The following IL17RA variants were observed in gnomAD, a reference collection of about 807,000 sequenced individuals.
The protein encoded by IL17RA is interleukin-17 receptor A.
In IL17RA, 34 loss-of-function variants were observed where a neutral mutation model predicts 50.4. The ratio of observed to expected loss-of-function variants is 0.67; its 90% CI spans 0.51 to 0.90. The LOEUF (loss-of-function observed/expected upper bound fraction) is 0.90. Ranked by LOEUF, IL17RA falls within the 40% of genes least tolerant of loss-of-function variation. The probability of loss-of-function intolerance (pLI) is 0.00; values close to 1 mark genes in which losing one functional copy is unlikely to be tolerated. For missense variants in IL17RA, 1,276 were observed against 1,169.8 expected (o/e 1.09, Z -1.32); for synonymous variants, 585 against 510.4 (o/e 1.15, Z -1.97).
intron 1 of IL17RA, among the ~76,000 whole-genome samples, chr22:17,091,591 TG>T (rs912800992): frequency 2.0e-5 from 3 of 151,120 alleles, no homozygotes; most frequent in Admixed American, 2.0e-4. Context: ...GGCAGAAGAA[TG>T]GGGGGAACCT....
chr22:17,101,618 C>T (rs1175294681), intron 5 of IL17RA, among the ~76,000 whole-genome samples: 1 of 152,206 alleles, frequency 6.6e-6, no homozygotes, highest in African/African-American at 2.4e-5. Context: ...CTAAAGTTGA[C>T]TGACTCAGTC....
At chr22:17,099,128 T>C (rs558365895) in intron 4 of IL17RA, among the ~76,000 whole-genome samples, 1 of 152,278 alleles carries the variant, frequency 6.6e-6, no homozygotes, top group South Asian at 2.1e-4. Flanking sequence ...TCACCCCTGG[T>C]TTTTCTTCCC....
chr22:17,088,491 G>A (rs930677167), intron 1 of IL17RA, among the ~76,000 whole-genome samples: 6 of 151,108 alleles, frequency 4.0e-5, no homozygotes, highest in Admixed American at 6.6e-5. Context: ...GCCGATTTTT[G>A]TTTTTTGTTT....
At chr22:17,108,226 C>T in intron 12 of IL17RA, 81 bp from the exon 13 acceptor site, 1 of 1,440,724 alleles carries the variant, frequency 6.9e-7, no homozygotes, top group South Asian at 1.2e-5. Context: ...TGTCCTGGTC[C>T]AGGCCCCTCC....
Position 17,085,390 on chromosome 22 carries a change from C to G in IL17RA, c.138+161C>G, listed in dbSNP as rs367954236. Reference sequence around the variant, plus strand: ...AGAGCCTTGGGCACAGATATCGCGGCGCCTGGGGAGGACCCTCGGAGCGGT... The same window carrying G: ...AGAGCCTTGGGCACAGATATCGCGGGGCCTGGGGAGGACCCTCGGAGCGGT... On this transcript the variant is annotated intron_variant, in intron 1 of 12. Coordinates refer to ENST00000319363, the MANE Select transcript of IL17RA (RefSeq NM_014339.7). 25 of 920,052 alleles carry G rather than the reference C, an allele frequency of 2.7e-5. No homozygotes were observed. The East Asian group carries it at 7.1e-4, about 26-fold the overall frequency. 57.0% of individuals were successfully genotyped at this position (920,052 alleles called of 1,614,324 possible). A position where few individuals can be genotyped will look rare whatever the true frequency, so the allele number is the denominator to read the frequency against.
chr22:17,099,915 C>G (rs2061383647), intron 4 of IL17RA, among the ~76,000 whole-genome samples: 1 of 152,180 alleles, frequency 6.6e-6, no homozygotes, highest in African/African-American at 2.4e-5. Context: ...ATAATGGTCT[C>G]AAGAGGTTCC....
intron 1 of IL17RA, among the ~76,000 whole-genome samples, chr22:17,092,035 A>C (rs1324793329): frequency 2.6e-5 from 4 of 152,132 alleles, no homozygotes; most frequent in African/African-American, 4.8e-5. Flanking sequence ...GCAAGTTAGG[A>C]TTAGAGGGCT....
chr22:17,104,957 AGTGGGGCTTTAG>A, intron 9 of IL17RA, 147 bp downstream of exon 9: 1 of 773,950 alleles, frequency 1.3e-6, no homozygotes, highest in Non-Finnish European at 2.2e-6. Flanking sequence ...TGAAGTGTGG[AGTGGGGCTTTAG>A]AGTGTCACTC....
At chr22:17,108,235 C>T (rs1324907640) in intron 12 of IL17RA, 72 bp from the exon 13 acceptor site, 1 of 1,509,594 alleles carries the variant, frequency 6.6e-7, no homozygotes, top group African/African-American at 1.4e-5. Context: ...CCAGGCCCCT[C>T]CTGGGCTGGC....
At chr22:17,106,430 C>T (rs527266968) in intron 11 of IL17RA, among the ~76,000 whole-genome samples, 12 of 152,366 alleles carry the variant, frequency 7.9e-5, no homozygotes, top group Non-Finnish European at 1.3e-4. Context: ...AGGCCAGTTA[C>T]TTAATACACC....
chr22:17,085,778 G>A (rs2061325334), intron 1 of IL17RA, among the ~76,000 whole-genome samples: 1 of 152,158 alleles, frequency 6.6e-6, no homozygotes, highest in South Asian at 2.1e-4. Flanking sequence ...CACGTCGTCC[G>A]TGCGGAAGGT....
Position 17,098,772 on chromosome 22 carries a change from C to A in IL17RA, c.311-3C>A, listed in dbSNP as rs1225325876. On this transcript the variant is annotated splice_region_variant and splice_polypyrimidine_tract_variant and intron_variant, in intron 3 of 12. Coordinates refer to ENST00000319363, the MANE Select transcript of IL17RA (RefSeq NM_014339.7). ...TTTGTCTTCTCTTCTCCCTCTCCTG[C>A]AGCCAGCATCCTGTACCTCGAGGGT... 1.9e-6 allele frequency: 3 copies of A among 1,612,556 alleles called. No individual in the cohort carries two copies. The African/African-American group carries it at 4.0e-5, about 22-fold the overall frequency.
intron 1 of IL17RA, among the ~76,000 whole-genome samples, chr22:17,088,588 C>T (rs1266029221): frequency 2.6e-5 from 4 of 152,104 alleles, no homozygotes; most frequent in African/African-American, 9.7e-5. Flanking sequence ...CAGGTTTGAG[C>T]GATTCTTCTG....
Position 17,105,716 on chromosome 22 carries a change from G to A in IL17RA, c.943+114G>A, listed in dbSNP as rs533648027. The A allele has an allele frequency of 5.0e-4, 645 of 1,278,604 alleles. 2 individuals are homozygous for A. The East Asian group carries it at 9.4e-3, about 19-fold the overall frequency. 79.2% of individuals were successfully genotyped at this position (1,278,604 alleles called of 1,614,324 possible). On this transcript the variant is annotated intron_variant, in intron 10 of 12. Transcript: ENST00000319363. ...GACAAGGCTGAACCGAGGCCAGCCC[G>A]GGGTGGGGGGTGAGACCATGGTTTG...
chr22:17,088,466 C>T (rs1169118416), intron 1 of IL17RA, among the ~76,000 whole-genome samples: 1 of 151,384 alleles, frequency 6.6e-6, no homozygotes, highest in Admixed American at 6.6e-5. Context: ...TTACAGGCGC[C>T]CACCACTACA....
At chr22:17,105,642 G>A in intron 10 of IL17RA, 40 bp downstream of exon 10, 1 of 1,610,960 alleles carries the variant, frequency 6.2e-7, no homozygotes, top group East Asian at 2.2e-5. Flanking sequence ...GCAGCCCTCA[G>A]GGGACATTCC....
intron 7 of IL17RA, 108 bp from the exon 8 acceptor site, chr22:17,103,386 C>G: frequency 1.2e-6 from 1 of 853,736 alleles, no homozygotes; most frequent in Non-Finnish European, 2.0e-6. Context: ...CCTGGCCTTC[C>G]TAAGGGGTGC....
chr22:17,096,089 G>A (rs2061367317), intron 1 of IL17RA, among the ~76,000 whole-genome samples: 1 of 152,134 alleles, frequency 6.6e-6, no homozygotes, highest in Non-Finnish European at 1.5e-5. Flanking sequence ...TCCACCCCGG[G>A]ATGCGTTTGG....
At chr22:17,097,411 G>T in intron 2 of IL17RA, 1 of 514,522 alleles carries the variant, frequency 1.9e-6, no homozygotes, top group Non-Finnish European at 3.5e-6. Flanking sequence ...CTGTGCTGTT[G>T]ATTTTGTTTT....
Sources: gnomAD v4.1 joint callset for allele counts (sites outside exome capture counted in the v4.1 genomes callset) on GRCh38, gnomAD v4.1.1 for gene constraint, MANE v1.5 for transcripts, NCBI Gene and HGNC (gene_info 2026-07-23, HGNC 2026-07-21) for gene names.